PPP1R9A: variants seen among roughly 807,000 people sequenced by gnomAD.
PPP1R9A encodes neurabin-1.
PPP1R9A carries 59 observed loss-of-function variants against 141.9 expected under a neutral mutation model. The observed-to-expected ratio is 0.42, with a 90% confidence interval of 0.34 to 0.52. PPP1R9A has a LOEUF of 0.52. Among genes scored for constraint, PPP1R9A ranks in the 20% least tolerant of loss-of-function variants. The pLI, the probability that PPP1R9A is intolerant of heterozygous loss-of-function variation, is 0.10. For missense variants in PPP1R9A, 1,444 were observed against 1,611.9 expected (o/e 0.90, Z 1.78); for synonymous variants, 500 against 569.7 (o/e 0.88, Z 1.74).
intron 3 of PPP1R9A, 69 bp downstream of exon 3, chr7:95,111,460 A>G: frequency 7.1e-7 from 1 of 1,415,374 alleles, no homozygotes; most frequent in Non-Finnish European, 9.6e-7. Context: ...TTTTTCCAAA[A>G]TGTAGCCTTT....
At chr7:95,080,726 G>A (rs994931821) in intron 2 of PPP1R9A, among the ~76,000 whole-genome samples, 5 of 152,108 alleles carry the variant, frequency 3.3e-5, no homozygotes, top group East Asian at 1.9e-4. Context: ...TCATGTGTCC[G>A]CTGTTTCTCA....
chr7:95,226,153 G>C, intron 8 of PPP1R9A, 37 bp downstream of exon 8: 1 of 1,568,588 alleles, frequency 6.4e-7, no homozygotes, highest in Non-Finnish European at 8.7e-7. Flanking sequence ...CTTTATGCCT[G>C]TCCATTTCAT....
intron 4 of PPP1R9A, among the ~76,000 whole-genome samples, chr7:95,126,816 T>C (rs1018342077): frequency 1.1e-4 from 17 of 152,192 alleles, no homozygotes; most frequent in Non-Finnish European, 1.5e-5. Context: ...AGATAAAAGA[T>C]ACAAGCAAAG....
chr7:95,292,942 T>A lies in PPP1R9A; in HGVS notation c.*2639T>A, dbSNP rs1239277867. On this transcript the variant is annotated 3_prime_UTR_variant, in exon 20 of 20. Transcript: ENST00000433360. ...ACAATTCCTACTTTAATGCTAGTGG[T>A]TTTCAGTGTCCTTACAATTTAACAC... 1 of 152,204 alleles carries A rather than the reference T, an allele frequency of 6.6e-6. No individual in the cohort carries two copies. Among genetic ancestry groups the A allele is most frequent in the East Asian group, 1.9e-4 (1 of 5,200 alleles). 9.4% of individuals were successfully genotyped at this position (152,204 alleles called of 1,614,324 possible).
At chr7:95,205,427 G>A (rs1044654726) in intron 7 of PPP1R9A, among the ~76,000 whole-genome samples, 5 of 152,170 alleles carry the variant, frequency 3.3e-5, no homozygotes, top group Non-Finnish European at 4.4e-5. Flanking sequence ...ATGAAACACA[G>A]AGTTTGCAGT....
Position 95,226,112 on chromosome 7 carries a change from A to G in PPP1R9A, c.2108A>G (p.Lys703Arg). The G allele has an allele frequency of 1.9e-6, 3 of 1,612,408 alleles. No homozygotes were observed. The highest frequency in any genetic ancestry group is 2.5e-6 in the Non-Finnish European group (3 of 1,178,762). The change falls in exon 8 of 20, where the codon AAA (lysine) becomes AGA (arginine). Residue 703 changes from lysine (K) to arginine (R), a missense_variant. Transcript: ENST00000433360. ...LDTSKLSHKF[K>R]ELQIKHAVTE... ...ACAAGCAAGCTCAGTCACAAGTTCA[A>G]AGAGGTATGCCACTAAGCTGCAAAA...
intron 4 of PPP1R9A, among the ~76,000 whole-genome samples, chr7:95,134,960 C>T (rs912855065): frequency 2.6e-5 from 4 of 152,092 alleles, no homozygotes; most frequent in South Asian, 2.1e-4. Flanking sequence ...TGATGACTTT[C>T]GTTATTTGGA....
chr7:94,969,395 C>CTAA (rs1186588558), intron 2 of PPP1R9A, among the ~76,000 whole-genome samples: 9 of 152,098 alleles, frequency 5.9e-5, no homozygotes, highest in Admixed American at 5.9e-4. Flanking sequence ...TTCTAACAGT[C>CTAA]AGGCCCCCCT....
intron 2 of PPP1R9A, among the ~76,000 whole-genome samples, chr7:94,972,266 T>C (rs1404848995): frequency 6.6e-6 from 1 of 152,266 alleles, no homozygotes; most frequent in African/African-American, 2.4e-5. Flanking sequence ...GTTTTAGTTC[T>C]AGTTATGTAA....
rs552137713 is a variant in PPP1R9A, at chr7:95,267,526, G to T, written c.2666-1024G>T. Among the ~76,000 whole-genome samples the T allele has an allele frequency of 2.0e-5, 3 of 152,176 alleles. No homozygotes were observed. The East Asian group carries it at 5.8e-4, about 29-fold the overall frequency. On this transcript the variant is annotated intron_variant, in intron 12 of 19. Coordinates refer to ENST00000433360, the MANE Select transcript of PPP1R9A (RefSeq NM_001166160.2). ...TTAACCAATATCCAGGTATGTTAAT[G>T]GGTACCTTTCCTTTAGAATGTTAAC...
intron 2 of PPP1R9A, among the ~76,000 whole-genome samples, chr7:94,974,465 A>G (rs1799212472): frequency 6.6e-6 from 1 of 152,212 alleles, no homozygotes; most frequent in Admixed American, 6.5e-5. Context: ...CGAGCTGTCC[A>G]ATAAAAATAG....
At chr7:94,938,672 C>T (rs1795022999) in intron 2 of PPP1R9A, among the ~76,000 whole-genome samples, 1 of 152,060 alleles carries the variant, frequency 6.6e-6, no homozygotes, top group South Asian at 2.1e-4. Context: ...CAGAAATGGT[C>T]CTGGCTCTCA....
At chr7:95,230,709 A>C (rs1037065235) in intron 8 of PPP1R9A, among the ~76,000 whole-genome samples, 2 of 152,206 alleles carry the variant, frequency 1.3e-5, no homozygotes, top group South Asian at 4.1e-4. Flanking sequence ...AGAGAAATCT[A>C]AAAGTTTGGA....
chr7:95,270,882 G>C (rs1225599277), intron 14 of PPP1R9A, among the ~76,000 whole-genome samples: 2 of 152,068 alleles, frequency 1.3e-5, no homozygotes, highest in Non-Finnish European at 2.9e-5. Flanking sequence ...AGCTTTACAG[G>C]ATTTATTGCT....
chr7:95,195,224 A>G (rs752904449), intron 5 of PPP1R9A, among the ~76,000 whole-genome samples: 1 of 152,092 alleles, frequency 6.6e-6, no homozygotes, highest in Non-Finnish European at 1.5e-5. Context: ...ATAGGAGAAA[A>G]TCTTAGCAAT....
chr7:94,919,785 A>G (rs1792558388), intron 2 of PPP1R9A, among the ~76,000 whole-genome samples: 2 of 152,122 alleles, frequency 1.3e-5, no homozygotes. Flanking sequence ...GCATATTACT[A>G]TATAGTCTAT....
chr7:95,181,787 A>G (rs926172210), intron 5 of PPP1R9A, among the ~76,000 whole-genome samples: 1 of 139,988 alleles, frequency 7.1e-6, no homozygotes, highest in Non-Finnish European at 1.5e-5. Context: ...CGTCACATAT[A>G]TATAGAATAT....
At chr7:95,088,907 T>C (rs1208317221) in intron 2 of PPP1R9A, among the ~76,000 whole-genome samples, 1 of 152,052 alleles carries the variant, frequency 6.6e-6, no homozygotes, top group African/African-American at 2.4e-5. Context: ...GCAGGTTTAT[T>C]GTAGGTACAG....
chr7:95,280,480 T>C (rs1489181231), intron 16 of PPP1R9A, among the ~76,000 whole-genome samples: 1 of 152,188 alleles, frequency 6.6e-6, no homozygotes, highest in East Asian at 1.9e-4. Context: ...CAGGATACAC[T>C]GGATTCAAGA....
Sources: allele counts gnomAD v4.1 joint callset (sites outside exome capture counted in the v4.1 genomes callset), GRCh38; gene constraint gnomAD v4.1.1; transcripts MANE v1.5; gene names NCBI Gene and HGNC (gene_info 2026-07-23, HGNC 2026-07-21).